Variants in CDYL observed in about 807,000 individuals in gnomAD.
CDYL encodes the protein chromodomain Y-like protein.
A neutral mutation model predicts 47.3 loss-of-function variants in CDYL; 8 were observed. That is an observed-to-expected ratio of 0.17 (90% CI 0.10 to 0.31). The LOEUF (loss-of-function observed/expected upper bound fraction) is 0.31. Among genes scored for constraint, CDYL ranks in the 10% least tolerant of loss-of-function variants. The pLI is 1.00. For synonymous variants in CDYL, 266 were observed against 265.0 expected, an observed-to-expected ratio of 1.00 and a Z score of -0.04; for missense variants, 471 against 701.4, an observed-to-expected ratio of 0.67 and a Z score of 3.71.
chr6:4,839,986 T>G (rs1760440446), intron 1 of CDYL, among the ~76,000 whole-genome samples: 7 of 152,190 alleles, frequency 4.6e-5, no homozygotes. Context: ...GGAATTGCAT[T>G]GAATTTGTAG....
intron 2 of CDYL, among the ~76,000 whole-genome samples, chr6:4,892,928 C>T (rs956712641): frequency 3.3e-5 from 5 of 152,204 alleles, no homozygotes; most frequent in Admixed American, 6.5e-5. Context: ...GTCTGCCTGG[C>T]ACCGGTGGTG....
intron 1 of CDYL, among the ~76,000 whole-genome samples, chr6:4,797,096 G>A (rs544204445): frequency 6.6e-6 from 1 of 152,184 alleles, no homozygotes; most frequent in African/African-American, 2.4e-5. Context: ...CCTTTTGAAT[G>A]TATTCTCTCT....
In CDYL at chr6:4,785,040, T is replaced by G. The variant is rs544966565; in HGVS notation, c.24+8233T>G. Among the ~76,000 whole-genome samples, 10 of 152,340 alleles carry G rather than the reference T, an allele frequency of 6.6e-5. No homozygotes were observed. The South Asian group carries it at 2.1e-3, about 32-fold the overall frequency. ...CGTTTCCTTTATAAATTACCCGGTC[T>G]CGGGTATGTCTTTATTAGCAATGTG... is the stretch of plus-strand genomic sequence containing the variant. On this transcript the variant is annotated intron_variant, in intron 1 of 6. Coordinates refer to ENST00000397588, the MANE Select transcript of CDYL (RefSeq NM_004824.4).
chr6:4,891,700 C>G lies in CDYL; in HGVS notation c.25-13C>G. On this transcript the variant is annotated splice_polypyrimidine_tract_variant and intron_variant, in intron 1 of 6. Transcript: ENST00000397588. ...TGATTTTTTTAAAACTATTTTTTTC[C>G]TTTTATGAACAGGTTGAAAGGATTG... The G allele has an allele frequency of 6.4e-7, 1 of 1,559,874 alleles. No individual in the cohort carries two copies. The highest frequency in any genetic ancestry group is 8.7e-7 in the Non-Finnish European group (1 of 1,155,488).
intron 1 of CDYL, among the ~76,000 whole-genome samples, chr6:4,712,253 G>T (rs761903255): frequency 4.6e-5 from 7 of 152,110 alleles, no homozygotes; most frequent in Non-Finnish European, 8.8e-5. Context: ...GTTCATGAGA[G>T]AATTAGAATA....
At chr6:4,881,920 T>C (rs1761774152) in intron 1 of CDYL, among the ~76,000 whole-genome samples, 1 of 152,236 alleles carries the variant, frequency 6.6e-6, no homozygotes, top group Non-Finnish European at 1.5e-5. Flanking sequence ...TCTTCTAGAC[T>C]ACTTTTTCAA....
chr6:4,820,016 A>T (rs1327391311), intron 1 of CDYL, among the ~76,000 whole-genome samples: 1 of 152,066 alleles, frequency 6.6e-6, no homozygotes, highest in East Asian at 1.9e-4. Flanking sequence ...GTAGCCAGAG[A>T]AATGAGGAGA....
At chr6:4,721,307 CTG>C (rs1471756775) in intron 2 of CDYL, among the ~76,000 whole-genome samples, 3 of 152,022 alleles carry the variant, frequency 2.0e-5, no homozygotes, top group African/African-American at 4.8e-5. Context: ...CTAATCTTCT[CTG>C]TATCTTTCCA....
chr6:4,720,953 G>A (rs1757358007), intron 2 of CDYL, among the ~76,000 whole-genome samples: 3 of 152,104 alleles, frequency 2.0e-5, no homozygotes, highest in African/African-American at 7.2e-5. Flanking sequence ...TATTACCACA[G>A]CATAAATAAA....
At chr6:4,776,301 G>GCCCCT (rs1758446135), upstream of CDYL, 2 of 143,890 alleles carry the variant, frequency 1.4e-5, no homozygotes, top group Admixed American at 6.8e-5. Context: ...CCGCCGCCCC[G>GCCCCT]CCCCTCCCGC....
chr6:4,716,974 C>A (rs999884954), intron 2 of CDYL, among the ~76,000 whole-genome samples: 1 of 152,084 alleles, frequency 6.6e-6, no homozygotes, highest in Non-Finnish European at 1.5e-5. Context: ...AAGATTACAT[C>A]TCATTGGGAA....
intron 1 of CDYL, among the ~76,000 whole-genome samples, chr6:4,890,646 A>G (rs1156558659): frequency 6.6e-6 from 1 of 152,206 alleles, no homozygotes; most frequent in African/African-American, 2.4e-5. Flanking sequence ...TCTACTCATT[A>G]GGCTCGAGTA....
At chr6:4,811,752 T>C (rs1281269852) in intron 1 of CDYL, among the ~76,000 whole-genome samples, 1 of 152,044 alleles carries the variant, frequency 6.6e-6, no homozygotes, top group African/African-American at 2.4e-5. Flanking sequence ...ATTACAGGCA[T>C]GAGCCACCAC....
chr6:4,891,948 C>T lies in CDYL; in HGVS notation c.260C>T (p.Thr87Ile). The change falls in exon 2 of 7, where the codon ACC becomes ATC. Residue 87 changes from threonine to isoleucine, a missense_variant. Thr to Ile is a moderately conservative substitution (Grantham distance 89, BLOSUM62 -1). Transcript: ENST00000397588. Reference sequence around the variant, plus strand: ...GCTAGGAAACAAATCTCCAGATCCACCAACAGCAACTTTTCTAAGACCTCT... The same window carrying T: ...GCTAGGAAACAAATCTCCAGATCCATCAACAGCAACTTTTCTAAGACCTCT... ...NNARKQISRS[T>I]NSNFSKTSPK... 2 of 1,614,160 alleles carry T rather than the reference C, an allele frequency of 1.2e-6. No homozygotes were observed. The highest frequency in any genetic ancestry group is 3.3e-5 in the Admixed American group (2 of 60,020).
chr6:4,850,181 T>C (rs1760782390), intron 1 of CDYL, among the ~76,000 whole-genome samples: 1 of 152,236 alleles, frequency 6.6e-6, no homozygotes, highest in Non-Finnish European at 1.5e-5. Context: ...TTCACGCTAA[T>C]TGCCAGTATC....
At chr6:4,786,365 C>G (rs183503239) in intron 1 of CDYL, among the ~76,000 whole-genome samples, 24 of 151,690 alleles carry the variant, frequency 1.6e-4, no homozygotes, top group African/African-American at 4.9e-4. Flanking sequence ...GGATTAGTGG[C>G]CCTGTGTGCC....
intron 2 of CDYL, among the ~76,000 whole-genome samples, chr6:4,910,120 C>A (rs1561703477): frequency 6.6e-6 from 1 of 152,012 alleles, no homozygotes; most frequent in African/African-American, 2.4e-5. Flanking sequence ...CCCGATTTTC[C>A]CCCTCCATCT....
intron 2 of CDYL, among the ~76,000 whole-genome samples, chr6:4,930,106 C>T (rs1267015612): frequency 1.3e-5 from 2 of 152,200 alleles, no homozygotes; most frequent in Non-Finnish European, 2.9e-5. Context: ...TCTGGGGTCT[C>T]TCTACTGAAT....
chr6:4,786,129 C>T (rs1758749614), intron 1 of CDYL, among the ~76,000 whole-genome samples: 1 of 152,138 alleles, frequency 6.6e-6, no homozygotes, highest in Non-Finnish European at 1.5e-5. Flanking sequence ...GCAGAGGAGT[C>T]AGCAGGAATT....
Sources: allele counts gnomAD v4.1 joint callset (sites outside exome capture counted in the v4.1 genomes callset), GRCh38; gene constraint gnomAD v4.1.1; transcripts MANE v1.5; gene names NCBI Gene and HGNC (gene_info 2026-07-23, HGNC 2026-07-21).